Variants in DPP10 observed in about 807,000 individuals in gnomAD.
DPP10 encodes the protein dipeptidyl peptidase like 10, also known as inactive dipeptidyl peptidase 10.
Under a neutral mutation model 120.9 loss-of-function variants are expected in DPP10, and 33 were observed. The observed-to-expected ratio is 0.27, with a 90% CI of 0.21 to 0.37. DPP10 has a LOEUF of 0.37. Ranked by LOEUF, DPP10 falls within the 10% of genes least tolerant of loss-of-function variation. The pLI, the probability that DPP10 is intolerant of heterozygous loss-of-function variation, is 1.00. For synonymous variants in DPP10, 337 were observed against 326.1 expected, an observed-to-expected ratio of 1.03 and a Z score of -0.36; for missense variants, 816 against 942.8, an observed-to-expected ratio of 0.87 and a Z score of 1.76.
chr2:115,800,308 T>A (rs571265805), intron 19 of DPP10, among the ~76,000 whole-genome samples: 3 of 151,902 alleles, frequency 2.0e-5, no homozygotes, highest in African/African-American at 7.3e-5. Context: ...TAAATTTGTT[T>A]GAGTTCATTG....
intron 1 of DPP10, among the ~76,000 whole-genome samples, chr2:115,079,102 C>A (rs540318879): frequency 6.6e-6 from 1 of 152,296 alleles, no homozygotes; most frequent in African/African-American, 2.4e-5. Context: ...AATCCTCGGC[C>A]GGGCGCGGTG....
intron 1 of DPP10, among the ~76,000 whole-genome samples, chr2:114,481,941 G>A (rs989584565): frequency 1.6e-4 from 23 of 144,586 alleles, no homozygotes; most frequent in African/African-American, 5.6e-4. Context: ...AAGAGAAGAA[G>A]GAGAAGAGAG....
chr2:115,738,398 C>T (rs754592775), intron 8 of DPP10, among the ~76,000 whole-genome samples: 1 of 152,138 alleles, frequency 6.6e-6, no homozygotes, highest in East Asian at 1.9e-4. Flanking sequence ...GAACTTGTTT[C>T]CTAATCTTTA....
At chr2:114,697,728 C>CAACAGAG (rs1206305346) in intron 1 of DPP10, among the ~76,000 whole-genome samples, 1 of 119,272 alleles carries the variant, frequency 8.4e-6, no homozygotes, top group Non-Finnish European at 1.6e-5. Flanking sequence ...CCAGCCTAGG[C>CAACAGAG]AACAGAGTGA....
chr2:115,570,230 A>T (rs890579160), intron 5 of DPP10, among the ~76,000 whole-genome samples: 1 of 152,202 alleles, frequency 6.6e-6, no homozygotes, highest in African/African-American at 2.4e-5. Context: ...AAACTGAGCA[A>T]TGCTTGAAGT....
At chr2:114,971,604 C>G (rs995594277) in intron 1 of DPP10, among the ~76,000 whole-genome samples, 2 of 152,014 alleles carry the variant, frequency 1.3e-5, no homozygotes, top group African/African-American at 4.8e-5. Context: ...TATACTTTTT[C>G]TATATCATGA....
chr2:114,831,890 T>C (rs890257619), intron 1 of DPP10, among the ~76,000 whole-genome samples: 1 of 148,452 alleles, frequency 6.7e-6, no homozygotes, highest in Admixed American at 6.7e-5. Flanking sequence ...TGTATATATA[T>C]AACCAAGGCA....
chr2:115,386,554 G>A (rs2066946766), intron 3 of DPP10, among the ~76,000 whole-genome samples: 1 of 152,170 alleles, frequency 6.6e-6, no homozygotes, highest in South Asian at 2.1e-4. Context: ...AATATGTAAG[G>A]AAACTAACCA....
chr2:115,457,158 C>T (rs1419814068), intron 3 of DPP10, among the ~76,000 whole-genome samples: 2 of 150,984 alleles, frequency 1.3e-5, no homozygotes, highest in African/African-American at 4.9e-5. Flanking sequence ...CAAGGCAATT[C>T]AATGAAGGAA....
At chr2:115,065,599 T>G (rs1225453493) in intron 1 of DPP10, 1 of 152,136 alleles carries the variant, frequency 6.6e-6, no homozygotes, top group Non-Finnish European at 1.5e-5. Flanking sequence ...CTTTCTGATG[T>G]TCATTTAGAA....
chr2:114,567,629 AGCATATTG>A (rs1689305066), intron 1 of DPP10, among the ~76,000 whole-genome samples: 1 of 152,240 alleles, frequency 6.6e-6, no homozygotes, highest in Non-Finnish European at 1.5e-5. Context: ...CATTTGTAGT[AGCATATTG>A]GCATATTGGT....
intron 1 of DPP10, chr2:115,064,910 T>G: frequency 8.4e-7 from 1 of 1,194,716 alleles, no homozygotes; most frequent in Non-Finnish European, 1.1e-6. Context: ...TTCCTATTTT[T>G]CTTTTTTGTT....
At chr2:115,590,380 A>G (rs1472424431) in intron 5 of DPP10, among the ~76,000 whole-genome samples, 3 of 151,722 alleles carry the variant, frequency 2.0e-5, no homozygotes, top group East Asian at 1.9e-4. Context: ...AAGTGTTCTC[A>G]TTGTTCAAGT....
intron 1 of DPP10, among the ~76,000 whole-genome samples, chr2:115,251,759 G>C (rs2058762518): frequency 6.6e-6 from 1 of 152,122 alleles, no homozygotes. Context: ...AGGCAGTGAG[G>C]AGTCATAAAT....
intron 19 of DPP10, among the ~76,000 whole-genome samples, chr2:115,792,121 A>G (rs535401044): frequency 6.6e-6 from 1 of 152,182 alleles, no homozygotes. Context: ...ATAAGTATTC[A>G]GTCTGTGGAA....
chr2:115,183,016 C>G (rs891965300), intron 1 of DPP10, among the ~76,000 whole-genome samples: 1 of 151,674 alleles, frequency 6.6e-6, no homozygotes, highest in Non-Finnish European at 1.5e-5. Context: ...TACACGCACA[C>G]ACACACACAC....
chr2:115,246,859 A>G (rs2058558657), intron 1 of DPP10, among the ~76,000 whole-genome samples: 1 of 152,154 alleles, frequency 6.6e-6, no homozygotes, highest in African/African-American at 2.4e-5. Flanking sequence ...AGAAAATCAA[A>G]TGACGTGGCT....
intron 1 of DPP10, among the ~76,000 whole-genome samples, chr2:114,676,279 A>G (rs1457475691): frequency 6.6e-6 from 1 of 152,180 alleles, no homozygotes; most frequent in East Asian, 1.9e-4. Flanking sequence ...TCTATGGACT[A>G]GCAATTCTCA....
chr2:115,427,207 C>T (rs897089015), intron 3 of DPP10, among the ~76,000 whole-genome samples: 14 of 152,196 alleles, frequency 9.2e-5, no homozygotes, highest in African/African-American at 2.4e-4. Context: ...TGGCACCACC[C>T]GTCTGGAGTG....
Sources: gnomAD v4.1 joint callset for allele counts (sites outside exome capture counted in the v4.1 genomes callset) on GRCh38, gnomAD v4.1.1 for gene constraint, MANE v1.5 for transcripts, NCBI Gene and HGNC (gene_info 2026-07-23, HGNC 2026-07-21) for gene names.